The following CLASP2 variants were observed in gnomAD, a reference collection of about 807,000 sequenced individuals.
CLASP2 encodes the protein CLIP-associating protein 2.
CLASP2 carries 47 observed loss-of-function variants against 194.4 expected under a neutral mutation model. The observed-to-expected ratio is 0.24, with a 90% confidence interval of 0.19 to 0.31. CLASP2 has a LOEUF of 0.31. CLASP2 is among the 10% of genes least tolerant of loss of function. The pLI is 1.00. For synonymous variants in CLASP2, 619 were observed against 633.5 expected, an observed-to-expected ratio of 0.98 and a Z score of 0.34; for missense variants, 1,445 against 1,823.6, an observed-to-expected ratio of 0.79 and a Z score of 3.78.
chr3:33,626,985 T>C lies in CLASP2; in HGVS notation c.1035+3A>G. 6.4e-7 allele frequency: 1 copy of C among 1,553,492 alleles called. No homozygotes were observed. Among genetic ancestry groups the C allele is most frequent in the Non-Finnish European group, 8.7e-7 (1 of 1,143,794 alleles). On this transcript the variant is annotated splice_donor_region_variant and intron_variant, in intron 10 of 38. Coordinates refer to ENST00000682230, the MANE Select transcript of CLASP2 (RefSeq NM_001365631.1). Reference sequence around the variant, plus strand: ...GATAAGAAAATTAAAGACAAAAACTTACTGCATTGGCACGCTGATCCCAGT... The same window carrying C: ...GATAAGAAAATTAAAGACAAAAACTCACTGCATTGGCACGCTGATCCCAGT...
At chr3:33,535,140 G>C in intron 34 of CLASP2, 93 bp downstream of exon 34, 1 of 812,280 alleles carries the variant, frequency 1.2e-6, no homozygotes, top group Admixed American at 2.8e-5. Flanking sequence ...GTTACTTTTT[G>C]GGAGTTATAA....
intron 2 of CLASP2, 59 bp from the exon 3 acceptor site, chr3:33,689,991 A>G (rs2091166723): frequency 1.8e-5 from 20 of 1,138,438 alleles, no homozygotes; most frequent in Admixed American, 6.6e-5. Flanking sequence ...ATTAAAAACT[A>G]TATTTTTCAA....
chr3:33,633,472 C>A (rs1274617868), intron 8 of CLASP2, among the ~76,000 whole-genome samples: 2 of 152,148 alleles, frequency 1.3e-5, no homozygotes, highest in African/African-American at 4.8e-5. Flanking sequence ...CCAAAGGACT[C>A]CCACCAGCTA....
chr3:33,644,773 A>T lies in CLASP2; in HGVS notation c.846T>A (p.Gly282=). The change falls in exon 8 of 39, where the codon GGT becomes GGA. Residue 282 remains glycine, a synonymous_variant. Transcript: ENST00000682230. ...TTACATTACCTCCAACCTTAGGGCC[A>T]CCTGCTGAACCAGGCTTCCTTGCAC... ...ANSARKPGSA[G]GPKVGGASKE... 6.2e-7 allele frequency: 1 copy of T among 1,613,318 alleles called. No individual in the cohort carries two copies. Among genetic ancestry groups the T allele is most frequent in the Non-Finnish European group, 8.5e-7 (1 of 1,179,628 alleles).
intron 7 of CLASP2, among the ~76,000 whole-genome samples, chr3:33,657,248 G>A (rs1431806364): frequency 6.6e-6 from 1 of 152,018 alleles, no homozygotes; most frequent in African/African-American, 2.4e-5. Context: ...AGACTAATAC[G>A]CAGGAGTATA....
chr3:33,538,663 A>T, intron 33 of CLASP2, 126 bp downstream of exon 33: 1 of 711,792 alleles, frequency 1.4e-6, no homozygotes, highest in South Asian at 3.0e-5. Flanking sequence ...GATACTCAGT[A>T]AATACTTGTA....
intron 21 of CLASP2, among the ~76,000 whole-genome samples, chr3:33,585,169 CA>C (rs1325031567): frequency 3.3e-5 from 5 of 151,606 alleles, no homozygotes; most frequent in African/African-American, 1.2e-4. Flanking sequence ...AGGTATAAGA[CA>C]CTATGTTTAA....
chr3:33,563,832 G>C (rs1198675879), intron 27 of CLASP2: 1 of 451,760 alleles, frequency 2.2e-6, no homozygotes, highest in Non-Finnish European at 4.4e-6. Flanking sequence ...AAAATACCTG[G>C]ACAAGTTTCT....
intron 8 of CLASP2, among the ~76,000 whole-genome samples, chr3:33,632,922 T>C (rs2079371345): frequency 6.6e-6 from 1 of 152,220 alleles, no homozygotes; most frequent in Admixed American, 6.5e-5. Context: ...TACTCTTCTA[T>C]ATATACACTG....
chr3:33,547,198 T>C (rs1393150249), intron 30 of CLASP2, among the ~76,000 whole-genome samples: 7 of 152,258 alleles, frequency 4.6e-5, no homozygotes, highest in African/African-American at 1.4e-4. Context: ...GAGGGACTGG[T>C]GGGAGATAAC....
intron 7 of CLASP2, among the ~76,000 whole-genome samples, chr3:33,653,108 G>C (rs928070799): frequency 6.6e-6 from 1 of 152,112 alleles, no homozygotes; most frequent in Non-Finnish European, 1.5e-5. Context: ...AGGCTGAGGG[G>C]GAACTGTATA....
At chr3:33,648,446 C>T (rs1369880015) in intron 7 of CLASP2, among the ~76,000 whole-genome samples, 1 of 151,768 alleles carries the variant, frequency 6.6e-6, no homozygotes, top group Non-Finnish European at 1.5e-5. Flanking sequence ...AAAATCAGAA[C>T]CCTGAATATT....
chr3:33,557,234 A>G (rs1413184621), intron 29 of CLASP2, among the ~76,000 whole-genome samples: 2 of 152,096 alleles, frequency 1.3e-5, no homozygotes, highest in African/African-American at 2.4e-5. Flanking sequence ...TCAGCCTCCC[A>G]AAGTGCTGGG....
chr3:33,540,915 GGCAT>G (rs2058245979), intron 32 of CLASP2, among the ~76,000 whole-genome samples: 1 of 151,856 alleles, frequency 6.6e-6, no homozygotes. Flanking sequence ...TGGAACTACC[GGCAT>G]GCACCACCAC....
At chr3:33,673,851 A>G (rs1352388269) in intron 6 of CLASP2, among the ~76,000 whole-genome samples, 2 of 152,222 alleles carry the variant, frequency 1.3e-5, no homozygotes, top group Non-Finnish European at 2.9e-5. Flanking sequence ...AAAGAAGGCC[A>G]TTACATAATG....
At chr3:33,573,393 G>T (rs778816137) in intron 24 of CLASP2, 39 bp from the exon 25 acceptor site, 18 of 1,597,630 alleles carry the variant, frequency 1.1e-5, no homozygotes, top group Admixed American at 1.7e-5. Context: ...GTAGCCAAAA[G>T]AATATATTGG....
rs147489091 is a variant in CLASP2, at chr3:33,642,062, T to C, written c.862+2695A>G. Among the ~76,000 whole-genome samples, 734 of 152,104 alleles carry C rather than the reference T, an allele frequency of 4.8e-3. 3 individuals are homozygous for C. The highest frequency in any genetic ancestry group is 0.018 in the South Asian group (89 of 4,826). Reference sequence around the variant, plus strand: ...ACAAATAATTCATTTTCCCTGCATATGCTACAAGGAGGTAGATTTTAATGC... The same window carrying C: ...ACAAATAATTCATTTTCCCTGCATACGCTACAAGGAGGTAGATTTTAATGC... On this transcript the variant is annotated intron_variant, in intron 8 of 38. Coordinates refer to ENST00000682230, the MANE Select transcript of CLASP2 (RefSeq NM_001365631.1).
At chr3:33,601,060 G>A (rs1236537963) in intron 18 of CLASP2, among the ~76,000 whole-genome samples, 4 of 146,790 alleles carry the variant, frequency 2.7e-5, no homozygotes, top group Non-Finnish European at 5.9e-5. Context: ...CCGGGTTCAC[G>A]CCATTCTCCT....
chr3:33,501,598 G>A (rs1484818205), intron 38 of CLASP2, 54 bp downstream of exon 38: 3 of 1,134,130 alleles, frequency 2.6e-6, no homozygotes, highest in East Asian at 4.7e-5. Flanking sequence ...ATGTAACTAA[G>A]TTTTGAAAGA....
Sources: gnomAD v4.1 joint callset for allele counts (sites outside exome capture counted in the v4.1 genomes callset) on GRCh38, gnomAD v4.1.1 for gene constraint, MANE v1.5 for transcripts, NCBI Gene and HGNC (gene_info 2026-07-23, HGNC 2026-07-21) for gene names.